The following NELL1 variants were observed in gnomAD, a reference collection of about 807,000 sequenced individuals.
NELL1 encodes the protein protein kinase C-binding protein NELL1.
NELL1 carries 76 observed loss-of-function variants against 107.4 expected under a neutral mutation model. That is an observed-to-expected ratio of 0.71 (90% CI 0.59 to 0.86). The LOEUF (loss-of-function observed/expected upper bound fraction) is 0.86. NELL1 is among the 40% of genes least tolerant of loss of function. NELL1 has a pLI of 0.00. For missense variants in NELL1, 1,024 were observed against 1,005.5 expected, an observed-to-expected ratio of 1.02 and a Z score of -0.25; for synonymous variants, 353 against 341.2, an observed-to-expected ratio of 1.03 and a Z score of -0.38.
Position 21,084,560 on chromosome 11 carries a change from C to A in NELL1, c.1301-29029C>A, listed in dbSNP as rs984479618. 4.6e-5 allele frequency among the ~76,000 whole-genome samples: 7 copies of A among 152,118 alleles called. No individual in the cohort carries two copies. The East Asian group carries it at 7.7e-4, about 17-fold the overall frequency. Reference sequence around the variant, plus strand: ...TCGCTCTCCACATTACGATCAAGGACTTCTCTGGCCCTGGGTGAAATGGTG... The same window carrying A: ...TCGCTCTCCACATTACGATCAAGGAATTCTCTGGCCCTGGGTGAAATGGTG... On this transcript the variant is annotated intron_variant, in intron 12 of 19. Transcript: ENST00000357134.
rs74675784 is a variant in NELL1 at position 21,319,172 on chromosome 11, T to C, written c.1550-51681T>C. Among the ~76,000 whole-genome samples, 268 of 151,452 alleles carry C rather than the reference T, an allele frequency of 1.8e-3. 3 individuals carry two copies. The East Asian group carries it at 0.045, about 26-fold the overall frequency. ...GTGTGTGTGTATATGTATGTATACA[T>C]ATTATTTTATTTTGTGTTTTTGAGA... On this transcript the variant is annotated intron_variant, in intron 14 of 19. Coordinates refer to ENST00000357134, the MANE Select transcript of NELL1 (RefSeq NM_006157.5).
At chr11:20,829,802 G>A in intron 3 of NELL1, among the ~76,000 whole-genome samples, 2 of 151,238 alleles carry the variant, frequency 1.3e-5, no homozygotes, top group South Asian at 4.2e-4. Flanking sequence ...TTTTTTTTTG[G>A]CAAGGATACC....
chr11:20,975,053 A>G (rs1036133231), intron 12 of NELL1, among the ~76,000 whole-genome samples: 2 of 152,040 alleles, frequency 1.3e-5, no homozygotes. Context: ...TCTGTCACTC[A>G]TGCTGGAGTG....
chr11:21,175,156 G>C (rs1480930106), intron 13 of NELL1, among the ~76,000 whole-genome samples: 1 of 151,690 alleles, frequency 6.6e-6, no homozygotes, highest in Non-Finnish European at 1.5e-5. Flanking sequence ...ATTTCCAAAA[G>C]AAATATCCTA....
intron 5 of NELL1, among the ~76,000 whole-genome samples, chr11:20,895,504 C>T (rs77350785): frequency 6.0e-5 from 6 of 100,024 alleles, no homozygotes; most frequent in African/African-American, 1.0e-4. Flanking sequence ...TGATATTTGC[C>T]TTTTTTTTTT....
chr11:21,191,450 C>T (rs1857047423), intron 13 of NELL1, among the ~76,000 whole-genome samples: 1 of 151,802 alleles, frequency 6.6e-6, no homozygotes, highest in Non-Finnish European at 1.5e-5. Flanking sequence ...CAAAAGAAAA[C>T]AACACTGCCA....
chr11:20,860,093 T>A (rs1382711769), intron 4 of NELL1, among the ~76,000 whole-genome samples: 1 of 152,200 alleles, frequency 6.6e-6, no homozygotes, highest in Non-Finnish European at 1.5e-5. Flanking sequence ...TTTAGAGGTA[T>A]CATATTCACT....
At chr11:21,323,578 T>C (rs1051089664) in intron 14 of NELL1, among the ~76,000 whole-genome samples, 3 of 152,112 alleles carry the variant, frequency 2.0e-5, no homozygotes, top group African/African-American at 7.2e-5. Context: ...TGATAACACC[T>C]TCCATTTTAC....
intron 1 of NELL1, among the ~76,000 whole-genome samples, chr11:20,672,970 G>GCCC (rs10592573): frequency 5.9e-5 from 6 of 100,842 alleles, no homozygotes; most frequent in Admixed American, 1.1e-4. Flanking sequence ...TCCTGCCTCA[G>GCCC]CCCCCCCCCC....
At chr11:21,279,232 A>G (rs1848938359) in intron 14 of NELL1, among the ~76,000 whole-genome samples, 2 of 152,198 alleles carry the variant, frequency 1.3e-5, no homozygotes, top group African/African-American at 4.8e-5. Flanking sequence ...TTTTTTAGAT[A>G]CAGTCAAGGG....
chr11:21,143,039 C>A (rs534055615), intron 13 of NELL1, among the ~76,000 whole-genome samples: 1 of 152,176 alleles, frequency 6.6e-6, no homozygotes, highest in South Asian at 2.1e-4. Context: ...AAAGGGCAAC[C>A]CAAGTGGGAT....
intron 16 of NELL1, among the ~76,000 whole-genome samples, chr11:21,544,691 C>A (rs900427454): frequency 6.6e-6 from 1 of 151,842 alleles, no homozygotes; most frequent in Non-Finnish European, 1.5e-5. Flanking sequence ...AGAGCCTGTA[C>A]TTTATATTAT....
intron 14 of NELL1, among the ~76,000 whole-genome samples, chr11:21,276,142 T>C (rs949628927): frequency 6.6e-6 from 1 of 152,124 alleles, no homozygotes; most frequent in Non-Finnish European, 1.5e-5. Flanking sequence ...GATTGTATAT[T>C]TAGAAAACCC....
At chr11:21,499,752 C>CT (rs1284951671) in intron 15 of NELL1, among the ~76,000 whole-genome samples, 2 of 152,074 alleles carry the variant, frequency 1.3e-5, no homozygotes, top group Admixed American at 1.3e-4. Flanking sequence ...AGCAAGTGTG[C>CT]ACAAGGTCAT....
intron 15 of NELL1, among the ~76,000 whole-genome samples, chr11:21,530,058 A>G (rs1306373810): frequency 1.3e-5 from 2 of 152,160 alleles, no homozygotes; most frequent in Non-Finnish European, 2.9e-5. Context: ...CTATGTCTGC[A>G]TCAGAGGATA....
At chr11:21,033,914 C>T (rs1256240308) in intron 12 of NELL1, among the ~76,000 whole-genome samples, 1 of 152,068 alleles carries the variant, frequency 6.6e-6, no homozygotes, top group Non-Finnish European at 1.5e-5. Context: ...GTTTTTTGGA[C>T]TTTTTAATGA....
intron 3 of NELL1, among the ~76,000 whole-genome samples, chr11:20,789,583 C>T (rs2133989282): frequency 6.6e-6 from 1 of 152,366 alleles, no homozygotes; most frequent in East Asian, 1.9e-4. Flanking sequence ...GAGAATGTTT[C>T]AGTCCTGTTT....
chr11:21,387,822 C>T (rs1296723497), intron 15 of NELL1, among the ~76,000 whole-genome samples: 1 of 151,772 alleles, frequency 6.6e-6, no homozygotes, highest in East Asian at 2.0e-4. Context: ...TACACTCTTC[C>T]TTGTAAGGGA....
At chr11:20,991,991 CAAAA>C (rs57278158) in intron 12 of NELL1, among the ~76,000 whole-genome samples, 10 of 110,046 alleles carry the variant, frequency 9.1e-5, no homozygotes, top group African/African-American at 2.4e-4. Flanking sequence ...GTGTAGCATG[CAAAA>C]AAAAAAAAAA....
Sources: gnomAD v4.1 joint callset for allele counts (sites outside exome capture counted in the v4.1 genomes callset) on GRCh38, gnomAD v4.1.1 for gene constraint, MANE v1.5 for transcripts, NCBI Gene and HGNC (gene_info 2026-07-23, HGNC 2026-07-21) for gene names.